Variants in CFAP20DC observed in about 807,000 individuals in gnomAD.
CFAP20DC encodes the protein CFAP20 domain containing.
A neutral mutation model predicts 101.7 loss-of-function variants in CFAP20DC; 84 were observed. The ratio of observed to expected loss-of-function variants is 0.83; its 90% CI spans 0.69 to 0.99. The LOEUF (loss-of-function observed/expected upper bound fraction) is 0.99. Ranked by LOEUF, CFAP20DC falls within the 50% of genes least tolerant of loss-of-function variation. The pLI, the probability that CFAP20DC is intolerant of heterozygous loss-of-function variation, is 0.00. For synonymous variants in CFAP20DC, 359 were observed against 351.2 expected (o/e 1.02, Z -0.25); for missense variants, 1,007 against 970.3 (o/e 1.04, Z -0.50).
intron 14 of CFAP20DC, among the ~76,000 whole-genome samples, chr3:58,820,399 G>A (rs1426615704): frequency 6.0e-5 from 9 of 150,598 alleles, no homozygotes; most frequent in Admixed American, 3.3e-4. Flanking sequence ...AAACCCCATT[G>A]TCTCAGCCCA....
At chr3:59,047,316 A>T in intron 1 of CFAP20DC, 62 bp from the exon 2 acceptor site, 2 of 1,117,494 alleles carry the variant, frequency 1.8e-6, no homozygotes, top group Non-Finnish European at 2.6e-6. Context: ...TCCACCACAT[A>T]GTCTATAACC....
At chr3:58,845,327 G>A (rs1183910744) in intron 13 of CFAP20DC, among the ~76,000 whole-genome samples, 1 of 151,690 alleles carries the variant, frequency 6.6e-6, no homozygotes, top group Non-Finnish European at 1.5e-5. Context: ...ATGATAAAGG[G>A]GATATCACCA....
At chr3:58,738,873 A>T, downstream of CFAP20DC, among the ~76,000 whole-genome samples, 1 of 152,168 alleles carries the variant, frequency 6.6e-6, no homozygotes, top group Non-Finnish European at 1.5e-5. The surrounding 1 kb of genome is among the most constrained non-coding windows in gnomAD (Gnocchi z 4.4). Flanking sequence ...CACAGTTTTT[A>T]AAAAAGAACA....
chr3:58,773,390 A>G (rs2071034034), intron 15 of CFAP20DC, among the ~76,000 whole-genome samples: 1 of 144,624 alleles, frequency 6.9e-6, no homozygotes, highest in South Asian at 2.2e-4. Flanking sequence ...ATCTCTAGCA[A>G]AAAAAAAAAA....
Position 58,788,379 on chromosome 3 carries a change from A to C in CFAP20DC, c.2237+18016T>G, listed in dbSNP as rs1326976644. Among the ~76,000 whole-genome samples the C allele has an allele frequency of 6.6e-6, 1 of 152,156 alleles. No homozygotes were observed. The highest frequency in any genetic ancestry group is 1.5e-5 in the Non-Finnish European group (1 of 68,010). ...GGAAATCCTATTGGTGAGAATCCAC[A>C]GACATTTTTGAGCTTCTAATGTGGA... is the stretch of plus-strand genomic sequence containing the variant. On this transcript the variant is annotated intron_variant, in intron 15 of 16. Coordinates refer to ENST00000482387, the MANE Select transcript of CFAP20DC (RefSeq NM_001394063.1). The surrounding 1 kb of genome is among the most constrained non-coding windows in gnomAD (Gnocchi z 4.2).
In CFAP20DC at chr3:58,722,549, C is replaced by T. The variant is rs1418223291; in HGVS notation, c.198-4921G>A. ...TTCTCTCTCGTGATGGAGTAGAAAC[C>T]TGAGAGATGCCACCTTCAACTCAAA... On this transcript the variant is annotated intron_variant, in intron 3 of 3. Transcript: ENST00000486145. The surrounding 1 kb of genome is among the most constrained non-coding windows in gnomAD (Gnocchi z 4.5). Among the ~76,000 whole-genome samples the T allele has an allele frequency of 1.3e-5, 2 of 152,136 alleles. No homozygotes were observed. Among genetic ancestry groups the T allele is most frequent in the South Asian group, 2.1e-4 (1 of 4,824 alleles).
At chr3:58,887,410 A>T (rs2106656369) in intron 6 of CFAP20DC, 1 of 152,316 alleles carries the variant, frequency 6.6e-6, no homozygotes, top group Middle Eastern at 3.4e-3. Context: ...GGCCAGTGAA[A>T]ACCTGAAATA....
At position 58,937,779 on chromosome 3, in the gene CFAP20DC, G is replaced by C. The variant is rs1267979950; in HGVS notation, c.279-17C>G. ...TCAGTAATTCTGAAAACATGGAGGA[G>C]AGAAGACAGAAAGATTCCCATCAAT... On this transcript the variant is annotated splice_polypyrimidine_tract_variant and intron_variant, in intron 4 of 16. Transcript: ENST00000482387. 24 of 1,344,076 alleles carry C rather than the reference G, an allele frequency of 1.8e-5. No homozygotes were observed. Among genetic ancestry groups the C allele is most frequent in the Non-Finnish European group, 2.6e-5 (24 of 938,252 alleles). The allele number at this position is 1,344,076 out of a possible 1,614,324, so 83.3% of individuals were successfully genotyped here.
At chr3:58,941,253 C>T (rs376698042) in intron 4 of CFAP20DC, among the ~76,000 whole-genome samples, 6 of 132,332 alleles carry the variant, frequency 4.5e-5, no homozygotes, top group Admixed American at 8.9e-5. Context: ...CGCTTGAACC[C>T]GGGAGGTGGA....
chr3:58,794,292 C>T (rs1416726551), intron 15 of CFAP20DC: 2 of 450,228 alleles, frequency 4.4e-6, no homozygotes, highest in African/African-American at 2.0e-5. Flanking sequence ...CACCAAATTG[C>T]ATCTGATTTG....
At position 58,821,232 on chromosome 3, in the gene CFAP20DC, G is replaced by T. The variant is rs968691634; in HGVS notation, c.2175+10454C>A. Among the ~76,000 whole-genome samples, 9 of 152,234 alleles carry T rather than the reference G, an allele frequency of 5.9e-5. No homozygotes were observed. In the East Asian group the frequency reaches 1.5e-3, roughly 26 times the overall value. On this transcript the variant is annotated intron_variant, in intron 14 of 16. Coordinates refer to ENST00000482387, the MANE Select transcript of CFAP20DC (RefSeq NM_001394063.1). ...GCATTACCATTCAGGACATAGGCAT[G>T]GGCAAGGACTTCATGTACAAAACAA...
intron 4 of CFAP20DC, among the ~76,000 whole-genome samples, chr3:58,992,895 G>C (rs1038461096): frequency 1.3e-5 from 2 of 151,892 alleles, no homozygotes; most frequent in Non-Finnish European, 2.9e-5. Context: ...TTATTTTAAA[G>C]CTTATTTAAA....
At chr3:58,813,751 T>C (rs1483360978) in intron 14 of CFAP20DC, among the ~76,000 whole-genome samples, 1 of 151,954 alleles carries the variant, frequency 6.6e-6, no homozygotes, top group Non-Finnish European at 1.5e-5. Flanking sequence ...TTAGCCTGAC[T>C]ACCTGTTATG....
intron 5 of CFAP20DC, among the ~76,000 whole-genome samples, chr3:58,931,265 C>T (rs1487504297): frequency 1.3e-5 from 2 of 152,168 alleles, no homozygotes; most frequent in African/African-American, 4.8e-5. Context: ...ACAAAGCAGC[C>T]AGGAAGCTCG....
intron 3 of CFAP20DC, among the ~76,000 whole-genome samples, chr3:58,736,561 A>C (rs559437303): frequency 6.6e-6 from 1 of 152,226 alleles, no homozygotes; most frequent in Non-Finnish European, 1.5e-5. Flanking sequence ...AAATACTCTC[A>C]TATAATTTTG....
chr3:58,880,210 TGTTTTCAAAGGTAA>T (rs2081125874), intron 7 of CFAP20DC, among the ~76,000 whole-genome samples: 2 of 152,180 alleles, frequency 1.3e-5, no homozygotes, highest in African/African-American at 4.8e-5. Flanking sequence ...TACTAGTCCC[TGTTTTCAAAGGTAA>T]TTATCAAGTT....
At chr3:58,948,613 C>T (rs1257891325) in intron 4 of CFAP20DC, among the ~76,000 whole-genome samples, 3 of 152,206 alleles carry the variant, frequency 2.0e-5, no homozygotes, top group Non-Finnish European at 2.9e-5. Flanking sequence ...GTTTGTTGAA[C>T]CAGCCTTGCA....
At chr3:58,821,338 A>T (rs1213065132) in intron 14 of CFAP20DC, among the ~76,000 whole-genome samples, 5 of 152,032 alleles carry the variant, frequency 3.3e-5, no homozygotes, top group African/African-American at 9.6e-5. Context: ...AAAAGAAACT[A>T]CCATCAGAGT....
chr3:58,745,880 A>G (rs2068158189), intron 16 of CFAP20DC, among the ~76,000 whole-genome samples: 1 of 152,170 alleles, frequency 6.6e-6, no homozygotes, highest in South Asian at 2.1e-4. Context: ...TCTGAGCCCC[A>G]GCTTCCTCAT....
Sources: allele counts gnomAD v4.1 joint callset (sites outside exome capture counted in the v4.1 genomes callset), GRCh38; gene constraint gnomAD v4.1.1; non-coding constraint Gnocchi (gnomAD v3.1); transcripts MANE v1.5; gene names NCBI Gene and HGNC (gene_info 2026-07-23, HGNC 2026-07-21).